The following FAM167A variants were observed in gnomAD, a reference collection of about 807,000 sequenced individuals.
The protein encoded by FAM167A is protein FAM167A.
FAM167A carries 23 observed loss-of-function variants against 14.9 expected under a neutral mutation model. The ratio of observed to expected loss-of-function variants is 1.55; its 90% confidence interval spans 1.11 to 2.19. FAM167A has a LOEUF of 2.19. Among genes scored for constraint, FAM167A ranks in the 30% most tolerant of loss-of-function variants. FAM167A has a pLI of 0.00. For missense variants in FAM167A, 401 were observed against 281.5 expected (o/e 1.42, Z -3.04); for synonymous variants, 174 against 117.7 (o/e 1.48, Z -3.10).
At chr8:11,465,140 T>C (rs571148821) in intron 1 of FAM167A, among the ~76,000 whole-genome samples, 6 of 152,198 alleles carry the variant, frequency 3.9e-5, no homozygotes, top group African/African-American at 1.4e-4. Context: ...AAGCTCCTAA[T>C]AGAAGAAATG....
In FAM167A at chr8:11,421,796, C is replaced by T. The variant is rs2116952125; in HGVS notation, c.*2577G>A. ...CAGAGAGATGGATGGATAATGAGTA[C>T]AACTGCAAACAGCACTGTACACATG... On this transcript the variant is annotated 3_prime_UTR_variant, in exon 3 of 3. Transcript: ENST00000284486. 1 of 398,876 alleles carries T rather than the reference C, an allele frequency of 2.5e-6. No individual in the cohort carries two copies. The highest frequency in any genetic ancestry group is 3.6e-5 in the East Asian group (1 of 28,084). 24.7% of individuals were successfully genotyped at this position (398,876 alleles called of 1,614,324 possible). A position where few individuals can be genotyped will look rare whatever the true frequency, so the allele number is the denominator to read the frequency against.
intron 2 of FAM167A, among the ~76,000 whole-genome samples, chr8:11,427,964 G>GCTAC (rs1805301521): frequency 6.6e-6 from 1 of 152,222 alleles, no homozygotes; most frequent in Non-Finnish European, 1.5e-5. Context: ...GGAGCTAGGT[G>GCTAC]CTACCTAAAC....
intron 2 of FAM167A, among the ~76,000 whole-genome samples, chr8:11,431,574 A>T (rs1376854659): frequency 6.6e-6 from 1 of 152,240 alleles, no homozygotes; most frequent in African/African-American, 2.4e-5. Flanking sequence ...CAGAGTCTGC[A>T]AATTTAGAGC....
Position 11,445,490 on chromosome 8 carries a change from G to T in FAM167A, c.-397-682C>A, listed in dbSNP as rs539880236. 7.1e-6 allele frequency: 7 copies of T among 985,702 alleles called. No homozygotes were observed. The South Asian group carries it at 3.3e-4, about 46-fold the overall frequency. 61.1% of individuals were successfully genotyped at this position (985,702 alleles called of 1,614,324 possible). A position where few individuals can be genotyped will look rare whatever the true frequency, so the allele number is the denominator to read the frequency against. On this transcript the variant is annotated intron_variant, in intron 1 of 2. Transcript: ENST00000284486. ...GGAAGAAGGCGGTGGCACCTGGGCT[G>T]GATGGCTAAACAAGCAGGCTGTGAC...
chr8:11,428,298 G>C (rs182115831), intron 2 of FAM167A, among the ~76,000 whole-genome samples: 1 of 152,210 alleles, frequency 6.6e-6, no homozygotes. Context: ...GACAGATCTG[G>C]TCAAAGGTCA....
intron 1 of FAM167A, among the ~76,000 whole-genome samples, chr8:11,452,061 C>G (rs1195582494): frequency 1.3e-5 from 2 of 152,198 alleles, no homozygotes; most frequent in Non-Finnish European, 2.9e-5. Flanking sequence ...CCAAAAGGCT[C>G]CCTCTGCCAC....
intron 2 of FAM167A, among the ~76,000 whole-genome samples, chr8:11,425,361 C>T (rs1185984755): frequency 6.6e-6 from 1 of 152,190 alleles, no homozygotes; most frequent in African/African-American, 2.4e-5. Context: ...AGCTCATCCA[C>T]AGCCGAGCTG....
At chr8:11,463,034 G>T (rs1258573277) in intron 1 of FAM167A, among the ~76,000 whole-genome samples, 1 of 152,126 alleles carries the variant, frequency 6.6e-6, no homozygotes, top group Non-Finnish European at 1.5e-5. Flanking sequence ...AGATTGCTGG[G>T]CTTCACCGAG....
At chr8:11,474,586 C>T (rs1466963635) in intron 1 of FAM167A, 2 of 152,250 alleles carry the variant, frequency 1.3e-5, no homozygotes, top group Non-Finnish European at 2.9e-5. Context: ...AAAATCAATA[C>T]AGGCACCCAG....
chr8:11,469,146 T>A (rs920016237), upstream of FAM167A, among the ~76,000 whole-genome samples: 2 of 152,264 alleles, frequency 1.3e-5, no homozygotes, highest in African/African-American at 4.8e-5. Flanking sequence ...AAATCCTGTG[T>A]ACATTATGAA....
At chr8:11,444,928 A>G in intron 1 of FAM167A, 120 bp from the exon 2 acceptor site, 1 of 844,232 alleles carries the variant, frequency 1.2e-6, no homozygotes, top group Non-Finnish European at 1.4e-6. Context: ...TGCGCTTCTC[A>G]TGGCTAGTCC....
At position 11,458,269 on chromosome 8, in the gene FAM167A, TCGA is replaced by T. The variant is rs1459834361; in HGVS notation, c.-398+8354_-398+8356del. ...AAGCCTGGATCAAACAGCACCTCAC[TCGA>T]CAGTCTTTTGTGCTCTTCCGAATGG... On this transcript the variant is annotated intron_variant, in intron 1 of 2. Transcript: ENST00000284486. Among the ~76,000 whole-genome samples the T allele has an allele frequency of 2.0e-5, 3 of 152,210 alleles. No individual in the cohort carries two copies. In the East Asian group the frequency reaches 5.8e-4, roughly 29 times the overall value.
upstream of FAM167A, among the ~76,000 whole-genome samples, chr8:11,472,469 T>C (rs1450396372): frequency 6.9e-6 from 1 of 145,718 alleles, no homozygotes; most frequent in Non-Finnish European, 1.5e-5. Context: ...AGACAAGGTC[T>C]CTCTCTGTTG....
chr8:11,467,918 G>A (rs912105595), upstream of FAM167A, among the ~76,000 whole-genome samples: 2 of 152,252 alleles, frequency 1.3e-5, no homozygotes, highest in Non-Finnish European at 2.9e-5. Flanking sequence ...AAGCTAGCGG[G>A]TGTATTAACA....
rs146816358 is a variant in FAM167A, at chr8:11,424,490, C to T, written c.528G>A (p.Glu176=). 2.5e-6 allele frequency: 4 copies of T among 1,614,200 alleles called. No homozygotes were observed. Among genetic ancestry groups the T allele is most frequent in the Non-Finnish European group, 3.4e-6 (4 of 1,180,028 alleles). ...DATYELEERD[E]LADLFCDSPL... Reference sequence around the variant, plus strand: ...GGGAGTCACAGAAGAGGTCGGCCAGCTCATCCCGCTCCTCCAGCTCGTAGG... The same window carrying T: ...GGGAGTCACAGAAGAGGTCGGCCAGTTCATCCCGCTCCTCCAGCTCGTAGG... The change falls in exon 3 of 3, where the codon GAG becomes GAA. Residue 176 remains glutamate, a synonymous_variant. Coordinates refer to ENST00000284486, the MANE Select transcript of FAM167A (RefSeq NM_053279.3).
At chr8:11,438,583 G>A (rs1332029336) in intron 2 of FAM167A, 1 of 432,852 alleles carries the variant, frequency 2.3e-6, no homozygotes, top group Non-Finnish European at 4.6e-6. Flanking sequence ...TCCTATTTTG[G>A]AAACTTCGAA....
upstream of FAM167A, among the ~76,000 whole-genome samples, chr8:11,467,245 C>T (rs1439223015): frequency 6.6e-6 from 1 of 152,270 alleles, no homozygotes; most frequent in Non-Finnish European, 1.5e-5. Context: ...GATGAGGAAA[C>T]TGAGGTGCAA....
chr8:11,445,527 G>C, intron 1 of FAM167A: 1 of 985,582 alleles, frequency 1.0e-6, no homozygotes, highest in Non-Finnish European at 1.2e-6. Context: ...CATTGTTCTA[G>C]AACGAGGCTT....
chr8:11,440,113 C>G (rs1806339673), intron 2 of FAM167A, among the ~76,000 whole-genome samples: 1 of 152,198 alleles, frequency 6.6e-6, no homozygotes, highest in Non-Finnish European at 1.5e-5. Context: ...ACCTGAGCAG[C>G]CTAGAACTGC....
Sources: allele counts gnomAD v4.1 joint callset (sites outside exome capture counted in the v4.1 genomes callset), GRCh38; gene constraint gnomAD v4.1.1; transcripts MANE v1.5; gene names NCBI Gene and HGNC (gene_info 2026-07-23, HGNC 2026-07-21).